The following COLEC12 variants were observed in gnomAD, a reference collection of about 807,000 sequenced individuals.
The protein encoded by COLEC12 is collectin subfamily member 12.
COLEC12 carries 33 observed loss-of-function variants against 71.1 expected under a neutral mutation model. The observed-to-expected ratio is 0.46, with a 90% CI of 0.35 to 0.62. COLEC12 has a LOEUF of 0.62. Among genes scored for constraint, COLEC12 ranks in the 20% least tolerant of loss-of-function variants. The pLI, the probability that COLEC12 is intolerant of heterozygous loss-of-function variation, is 0.00. For missense variants in COLEC12, 765 were observed against 916.1 expected, an observed-to-expected ratio of 0.84 and a Z score of 2.13; for synonymous variants, 350 against 353.0, an observed-to-expected ratio of 0.99 and a Z score of 0.10.
chr18:368,826 A>C (rs1217135406), intron 2 of COLEC12, among the ~76,000 whole-genome samples: 1 of 152,240 alleles, frequency 6.6e-6, no homozygotes, highest in Non-Finnish European at 1.5e-5. Context: ...AGATCACGTC[A>C]CTGCACTCCA....
chr18:386,105 GGGA>G (rs386800101), intron 2 of COLEC12, among the ~76,000 whole-genome samples: 29,598 of 152,066 alleles, frequency 0.19, 3,062 homozygotes, highest in Middle Eastern at 0.29. Flanking sequence ...TTGTGGGTGG[GGGA>G]GAAGGCTAGG....
Position 482,773 on chromosome 18 carries a change from A to G in COLEC12, c.8-2016T>C, listed in dbSNP as rs535621106. Among the ~76,000 whole-genome samples the G allele has an allele frequency of 3.3e-5, 5 of 151,826 alleles. No individual in the cohort carries two copies. In the East Asian group the frequency reaches 9.9e-4, roughly 30 times the overall value. ...ATTGCAGGCGCCCACTACCACGCCCAGCTAATTCTTTGTATTTTTAGTAGA... is the reference window on the plus strand; with the variant it reads ...ATTGCAGGCGCCCACTACCACGCCCGGCTAATTCTTTGTATTTTTAGTAGA... On this transcript the variant is annotated intron_variant, in intron 1 of 9. Coordinates refer to ENST00000400256, the MANE Select transcript of COLEC12 (RefSeq NM_130386.3).
intron 2 of COLEC12, among the ~76,000 whole-genome samples, chr18:445,757 T>C (rs1916635090): frequency 6.6e-6 from 1 of 151,826 alleles, no homozygotes; most frequent in African/African-American, 2.4e-5. Flanking sequence ...CTCAGCTTCC[T>C]GAGTAGCTGG....
At chr18:394,445 A>G (rs984585588) in intron 2 of COLEC12, among the ~76,000 whole-genome samples, 1 of 152,234 alleles carries the variant, frequency 6.6e-6, no homozygotes. Flanking sequence ...AGAATCCAAA[A>G]ATATCCATTG....
At chr18:336,727 G>C (rs1188003941) in intron 5 of COLEC12, among the ~76,000 whole-genome samples, 3 of 152,182 alleles carry the variant, frequency 2.0e-5, no homozygotes, top group Non-Finnish European at 4.4e-5. Flanking sequence ...TCTAGTAGTG[G>C]AGCTGGGGCA....
At chr18:469,089 C>G (rs1338509008) in intron 2 of COLEC12, among the ~76,000 whole-genome samples, 1 of 152,252 alleles carries the variant, frequency 6.6e-6, no homozygotes, top group Non-Finnish European at 1.5e-5. Flanking sequence ...ATTCTCATAC[C>G]TCATCCCCAA....
rs573189356 is a variant in COLEC12 at position 419,579 on chromosome 18, C to T, written c.58+61128G>A. Among the ~76,000 whole-genome samples the T allele has an allele frequency of 2.3e-4, 35 of 152,284 alleles. 1 individual carries two copies. The highest frequency in any genetic ancestry group is 7.2e-4 in the African/African-American group (30 of 41,558). ...AATGTTTCTATCAAAACGTTTCTAA[C>T]AAAACATTTGCTGTCAACAGTCTTT... On this transcript the variant is annotated intron_variant, in intron 2 of 9. Transcript: ENST00000400256.
At chr18:493,019 A>G (rs1917646851) in intron 1 of COLEC12, among the ~76,000 whole-genome samples, 1 of 152,154 alleles carries the variant, frequency 6.6e-6, no homozygotes, top group African/African-American at 2.4e-5. Flanking sequence ...CCTGAGCAAC[A>G]TAGCAAAACC....
At chr18:348,636 T>C (rs969257871) in intron 3 of COLEC12, among the ~76,000 whole-genome samples, 1 of 152,190 alleles carries the variant, frequency 6.6e-6, no homozygotes, top group African/African-American at 2.4e-5. Flanking sequence ...CTCAATTCTA[T>C]ACACAAAATC....
chr18:372,707 A>ACACC (rs1567888148), intron 2 of COLEC12, among the ~76,000 whole-genome samples: 1 of 152,136 alleles, frequency 6.6e-6, no homozygotes, highest in Non-Finnish European at 1.5e-5. Context: ...ATGAGCCACC[A>ACACC]TGCCCGCCCA....
chr18:485,367 A>G (rs1917500563), intron 1 of COLEC12, among the ~76,000 whole-genome samples: 2 of 152,224 alleles, frequency 1.3e-5, no homozygotes, highest in Admixed American at 1.3e-4. Context: ...TAAGTCCTGC[A>G]GTGGTCATAA....
chr18:440,366 CACACACACACAT>C (rs1259979564), intron 2 of COLEC12, among the ~76,000 whole-genome samples: 3 of 96,100 alleles, frequency 3.1e-5, no homozygotes, highest in Admixed American at 9.5e-5. Flanking sequence ...TCTCAACACA[CACACACACACAT>C]ACACACACAC....
Position 394,430 on chromosome 18 carries a change from G to A in COLEC12, c.59-36908C>T, listed in dbSNP as rs115051449. Among the ~76,000 whole-genome samples, 1,385 of 152,312 alleles carry A rather than the reference G, an allele frequency of 9.1e-3. 20 individuals carry two copies. Among genetic ancestry groups the A allele is most frequent in the African/African-American group, 0.03 (1,267 of 41,572 alleles). On this transcript the variant is annotated intron_variant, in intron 2 of 9. Coordinates refer to ENST00000400256, the MANE Select transcript of COLEC12 (RefSeq NM_130386.3). ...CTAGTGCTAGAACAGTGGGTTTCTCGTTTAAGAATCCAAAAATATCCATTG... is the reference window on the plus strand; with the variant it reads ...CTAGTGCTAGAACAGTGGGTTTCTCATTTAAGAATCCAAAAATATCCATTG...
At chr18:495,012 A>T (rs1047675665) in intron 1 of COLEC12, among the ~76,000 whole-genome samples, 1 of 152,232 alleles carries the variant, frequency 6.6e-6, no homozygotes, top group Admixed American at 6.5e-5. Flanking sequence ...ATTCATGACA[A>T]ATTCAGAAGT....
chr18:457,521 A>C (rs1916896826), intron 2 of COLEC12, among the ~76,000 whole-genome samples: 1 of 152,226 alleles, frequency 6.6e-6, no homozygotes, highest in Admixed American at 6.5e-5. Context: ...AAGTGGACCC[A>C]AATCATGTTG....
intron 2 of COLEC12, among the ~76,000 whole-genome samples, chr18:393,412 C>G (rs1336451915): frequency 2.1e-5 from 2 of 95,662 alleles, no homozygotes; most frequent in African/African-American, 3.1e-5. Context: ...CTCGGAGGCA[C>G]AGCAAATTTC....
At chr18:468,714 G>A (rs1024479857) in intron 2 of COLEC12, among the ~76,000 whole-genome samples, 1 of 152,192 alleles carries the variant, frequency 6.6e-6, no homozygotes, top group Non-Finnish European at 1.5e-5. Flanking sequence ...ACTTGCATTA[G>A]TTCATCCTCA....
At chr18:431,568 G>C (rs911968543) in intron 2 of COLEC12, among the ~76,000 whole-genome samples, 7 of 152,196 alleles carry the variant, frequency 4.6e-5, no homozygotes, top group African/African-American at 1.7e-4. Context: ...TGGGCAAATA[G>C]GGATGGCATT....
At chr18:368,327 T>C (rs1914899361) in intron 2 of COLEC12, among the ~76,000 whole-genome samples, 1 of 152,112 alleles carries the variant, frequency 6.6e-6, no homozygotes, top group African/African-American at 2.4e-5. Context: ...AATCCCAACA[T>C]TTTGGGAGGC....
Sources: allele counts gnomAD v4.1 joint callset (sites outside exome capture counted in the v4.1 genomes callset), GRCh38; gene constraint gnomAD v4.1.1; transcripts MANE v1.5; gene names NCBI Gene and HGNC (gene_info 2026-07-23, HGNC 2026-07-21).